The following LSAMP variants were observed in gnomAD, a reference collection of about 807,000 sequenced individuals.
The protein encoded by LSAMP is limbic system associated membrane protein.
Under a neutral mutation model 38.6 loss-of-function variants are expected in LSAMP, and 7 were observed. The observed-to-expected ratio is 0.18, with a 90% CI of 0.10 to 0.34. The LOEUF is 0.34. Among genes scored for constraint, LSAMP ranks in the 10% least tolerant of loss-of-function variants. The pLI is 1.00. For missense variants in LSAMP, 313 were observed against 420.0 expected (o/e 0.75, Z 2.23); for synonymous variants, 154 against 166.8 (o/e 0.92, Z 0.59).
At chr3:116,247,442 A>G (rs772350644) in intron 1 of LSAMP, among the ~76,000 whole-genome samples, 1 of 152,226 alleles carries the variant, frequency 6.6e-6, no homozygotes, top group African/African-American at 2.4e-5. Flanking sequence ...TAATTGATAG[A>G]CTGAAAAAGT....
intron 1 of LSAMP, among the ~76,000 whole-genome samples, chr3:116,409,587 G>A (rs1355981832): frequency 2.6e-5 from 4 of 152,014 alleles, no homozygotes; most frequent in Non-Finnish European, 4.4e-5. Flanking sequence ...TAGATCCATC[G>A]TAATGCTGAT....
At chr3:116,265,259 G>A (rs188843673) in intron 1 of LSAMP, among the ~76,000 whole-genome samples, 1 of 152,294 alleles carries the variant, frequency 6.6e-6, no homozygotes, top group East Asian at 1.9e-4. Flanking sequence ...TTAGAGAGAG[G>A]CTAAGGTTCA....
intron 1 of LSAMP, among the ~76,000 whole-genome samples, chr3:116,209,489 T>C (rs1379659229): frequency 6.6e-6 from 1 of 152,124 alleles, no homozygotes; most frequent in Non-Finnish European, 1.5e-5. Context: ...CCTATGCATA[T>C]AGTTTTCCAG....
chr3:116,228,688 T>C (rs1169522367), intron 1 of LSAMP, among the ~76,000 whole-genome samples: 1 of 152,080 alleles, frequency 6.6e-6, no homozygotes, highest in Non-Finnish European at 1.5e-5. Context: ...GTAAAAACAA[T>C]TTAGCAAAAT....
intron 1 of LSAMP, among the ~76,000 whole-genome samples, chr3:116,328,547 T>C (rs1353402035): frequency 1.3e-5 from 2 of 152,164 alleles, no homozygotes; most frequent in Non-Finnish European, 2.9e-5. Context: ...ATTAGAATTG[T>C]CATATAAAAT....
intron 3 of LSAMP, among the ~76,000 whole-genome samples, chr3:115,903,511 G>T (rs1936932424): frequency 2.0e-5 from 3 of 152,132 alleles, no homozygotes; most frequent in Admixed American, 2.0e-4. Flanking sequence ...AAAAAAAGGT[G>T]TCAACAAAGT....
At chr3:115,999,720 G>A (rs554135489) in intron 3 of LSAMP, among the ~76,000 whole-genome samples, 58 of 152,230 alleles carry the variant, frequency 3.8e-4, no homozygotes, top group African/African-American at 1.4e-3. Flanking sequence ...GTTACTGAAG[G>A]GCAGATAAAC....
At chr3:116,271,148 T>TA (rs1001979653) in intron 1 of LSAMP, among the ~76,000 whole-genome samples, 21 of 152,002 alleles carry the variant, frequency 1.4e-4, no homozygotes, top group Admixed American at 8.5e-4. Flanking sequence ...CTTAAGACAA[T>TA]AAAAAACAGA....
At chr3:116,243,251 C>T (rs2046563002) in intron 1 of LSAMP, among the ~76,000 whole-genome samples, 1 of 152,142 alleles carries the variant, frequency 6.6e-6, no homozygotes, top group African/African-American at 2.4e-5. Flanking sequence ...CTAACTGTTC[C>T]CTTCCTCCTG....
At chr3:115,888,494 C>T (rs1936513047) in intron 3 of LSAMP, among the ~76,000 whole-genome samples, 1 of 151,928 alleles carries the variant, frequency 6.6e-6, no homozygotes, top group African/African-American at 2.4e-5. Flanking sequence ...AATCATCCCC[C>T]ATGCTGTCCA....
intron 3 of LSAMP, among the ~76,000 whole-genome samples, chr3:116,013,979 G>T (rs1330157538): frequency 6.6e-6 from 1 of 152,120 alleles, no homozygotes; most frequent in East Asian, 1.9e-4. Flanking sequence ...TGCTGGTCTT[G>T]CAGATTTTGC....
intron 1 of LSAMP, among the ~76,000 whole-genome samples, chr3:116,220,887 G>A (rs2046275648): frequency 1.3e-5 from 2 of 152,312 alleles, no homozygotes; most frequent in Admixed American, 1.3e-4. Flanking sequence ...GGGCGCAGTG[G>A]CTCACGCCTG....
intron 3 of LSAMP, among the ~76,000 whole-genome samples, chr3:115,921,414 A>T (rs1008829544): frequency 1.3e-5 from 2 of 152,066 alleles, no homozygotes; most frequent in Non-Finnish European, 2.9e-5. Flanking sequence ...TAAGCTGACA[A>T]TTCTATTGCA....
At chr3:115,825,933 G>A (rs1266576729) in intron 6 of LSAMP, among the ~76,000 whole-genome samples, 2 of 151,928 alleles carry the variant, frequency 1.3e-5, no homozygotes, top group East Asian at 3.9e-4. Flanking sequence ...TTGTAAACAG[G>A]CCAGATGCAA....
At chr3:116,114,468 C>T (rs954457618) in intron 1 of LSAMP, among the ~76,000 whole-genome samples, 1 of 151,540 alleles carries the variant, frequency 6.6e-6, no homozygotes, top group Non-Finnish European at 1.5e-5. Context: ...TACATTATCC[C>T]TTATTTCACA....
chr3:116,131,238 A>G (rs1051715257), intron 1 of LSAMP, among the ~76,000 whole-genome samples: 4 of 151,628 alleles, frequency 2.6e-5, no homozygotes, highest in South Asian at 2.1e-4. Flanking sequence ...TGATCCGCCC[A>G]CCTTGGCCTC....
intron 1 of LSAMP, among the ~76,000 whole-genome samples, chr3:116,382,682 G>C (rs1177688394): frequency 6.6e-6 from 1 of 151,934 alleles, no homozygotes. Flanking sequence ...TTTACTATCT[G>C]GTCTTTAATA....
At chr3:116,072,410 A>G (rs999033115) in intron 2 of LSAMP, among the ~76,000 whole-genome samples, 3 of 152,188 alleles carry the variant, frequency 2.0e-5, no homozygotes, top group Admixed American at 6.5e-5. Context: ...TCCTTCAGGT[A>G]TATACCCAGT....
intron 1 of LSAMP, among the ~76,000 whole-genome samples, chr3:116,392,499 G>C (rs1193146374): frequency 6.6e-6 from 1 of 152,250 alleles, no homozygotes; most frequent in Non-Finnish European, 1.5e-5. Context: ...TCTGGACTTA[G>C]GGCACTGACA....
Sources: gnomAD v4.1 joint callset for allele counts (sites outside exome capture counted in the v4.1 genomes callset) on GRCh38, gnomAD v4.1.1 for gene constraint, MANE v1.5 for transcripts, NCBI Gene and HGNC (gene_info 2026-07-23, HGNC 2026-07-21) for gene names.